Variants in PTPRT observed in about 807,000 individuals in gnomAD.
PTPRT encodes protein tyrosine phosphatase receptor type T.
PTPRT carries 56 observed loss-of-function variants against 176.8 expected under a neutral mutation model. The ratio of observed to expected loss-of-function variants is 0.32; its 90% CI spans 0.26 to 0.40. PTPRT has a LOEUF of 0.40. PTPRT is among the 10% of genes least tolerant of loss of function. The pLI, the probability that PTPRT is intolerant of heterozygous loss-of-function variation, is 1.00. For missense variants in PTPRT, 1,540 were observed against 1,908.2 expected (o/e 0.81, Z 3.60); for synonymous variants, 783 against 739.0 (o/e 1.06, Z -0.96).
intron 7 of PTPRT, among the ~76,000 whole-genome samples, chr20:42,530,803 C>A (rs1004721322): frequency 6.6e-6 from 1 of 152,160 alleles, no homozygotes; most frequent in African/African-American, 2.4e-5. Context: ...AGGAGCCCTA[C>A]TTCTGACTTG....
chr20:42,325,103 T>C (rs1054017625), intron 11 of PTPRT, among the ~76,000 whole-genome samples: 1 of 152,112 alleles, frequency 6.6e-6, no homozygotes, highest in Admixed American at 6.6e-5. Context: ...GGAGAAATAA[T>C]GAACTGTTCA....
chr20:42,668,078 G>A (rs568348124), intron 7 of PTPRT, among the ~76,000 whole-genome samples: 82 of 152,312 alleles, frequency 5.4e-4, no homozygotes, highest in African/African-American at 1.8e-3. Context: ...TGTTGGAAGT[G>A]TCTGGTGGAG....
At chr20:42,924,245 A>G (rs918193222) in intron 1 of PTPRT, among the ~76,000 whole-genome samples, 1 of 152,188 alleles carries the variant, frequency 6.6e-6, no homozygotes, top group African/African-American at 2.4e-5. Context: ...TTCCATTTAA[A>G]AAAAAAATTA....
In PTPRT at chr20:42,074,654, A is replaced by G. The variant is rs940308555; in HGVS notation, c.*6225T>C. The G allele has an allele frequency of 2.5e-6, 1 of 397,260 alleles. No individual in the cohort carries two copies. The highest frequency in any genetic ancestry group is 4.4e-6 in the Non-Finnish European group (1 of 225,530). The allele number at this position is 397,260 out of a possible 1,614,324, so 24.6% of individuals were successfully genotyped here. ...TATCTGCCCCAGTGGACCACCCCTG[A>G]GCTCTTAGATAGGTGGGATGCTAGG... On this transcript the variant is annotated 3_prime_UTR_variant, in exon 31 of 31. Transcript: ENST00000373187.
chr20:42,046,948 T>C, the PTPRT span, among the ~76,000 whole-genome samples: 10 of 152,300 alleles, frequency 6.6e-5, no homozygotes, highest in Non-Finnish European at 1.3e-4. Flanking sequence ...CACCCAGCCC[T>C]CCCTGAGATG....
chr20:42,446,467 C>G lies in PTPRT; in HGVS notation c.1560+1753G>C, dbSNP rs531321840. 1.6e-4 allele frequency among the ~76,000 whole-genome samples: 24 copies of G among 152,280 alleles called. No individual in the cohort carries two copies. The East Asian group carries it at 4.4e-3, about 28-fold the overall frequency. ...CCAAAAGTCTTGAACATCTGGCACA[C>G]AGCGTCTTTTACATAACAGTATCAA... On this transcript the variant is annotated intron_variant, in intron 9 of 30. Transcript: ENST00000373187.
In PTPRT at chr20:42,634,419, G is replaced by C. The variant is rs555387014; in HGVS notation, c.1153+43447C>G. 2.0e-5 allele frequency among the ~76,000 whole-genome samples: 3 copies of C among 151,482 alleles called. No homozygotes were observed. The South Asian group carries it at 6.2e-4, about 32-fold the overall frequency. ...TAAGATGAAAGCAGCCCAAATCCCTGAGTCACCAATGTTTGAAGAAGAGCT... is the reference window on the plus strand; with the variant it reads ...TAAGATGAAAGCAGCCCAAATCCCTCAGTCACCAATGTTTGAAGAAGAGCT... On this transcript the variant is annotated intron_variant, in intron 7 of 30. Transcript: ENST00000373187.
chr20:43,138,077 T>C (rs1452641309), intron 1 of PTPRT, among the ~76,000 whole-genome samples: 1 of 152,192 alleles, frequency 6.6e-6, no homozygotes, highest in Non-Finnish European at 1.5e-5. Context: ...GTTGTGAGGA[T>C]TCACTGAAGT....
chr20:42,454,149 C>T (rs1390387044), intron 8 of PTPRT, among the ~76,000 whole-genome samples: 1 of 152,050 alleles, frequency 6.6e-6, no homozygotes, highest in Non-Finnish European at 1.5e-5. Flanking sequence ...GTTTGTCACT[C>T]ATCATTTTCA....
chr20:42,740,987 G>A (rs1233764454), intron 6 of PTPRT, among the ~76,000 whole-genome samples: 1 of 152,192 alleles, frequency 6.6e-6, no homozygotes, highest in African/African-American at 2.4e-5. Flanking sequence ...GAGAGAGTGT[G>A]CATGTGCATG....
In PTPRT at chr20:43,078,856, A is replaced by G. The variant is rs556563308; in HGVS notation, c.88+110790T>C. On this transcript the variant is annotated intron_variant, in intron 1 of 30. Coordinates refer to ENST00000373187, the MANE Select transcript of PTPRT (RefSeq NM_007050.6). ...GGCAGAGCCAACAATCAGGAAATAA[A>G]CTCTGCTTCCAAATGATCTAAGGAA... 6.6e-5 allele frequency among the ~76,000 whole-genome samples: 10 copies of G among 152,216 alleles called. No individual in the cohort carries two copies. In the South Asian group the frequency reaches 2.1e-3, roughly 32 times the overall value.
intron 1 of PTPRT, among the ~76,000 whole-genome samples, chr20:43,096,512 C>T (rs1449052600): frequency 2.0e-5 from 3 of 152,172 alleles, no homozygotes; most frequent in African/African-American, 4.8e-5. Flanking sequence ...GCAGCTGGGC[C>T]CCTCCTCCTC....
chr20:42,796,285 T>C lies in PTPRT; in HGVS notation c.215-4819A>G, dbSNP rs138315727. Among the ~76,000 whole-genome samples the C allele has an allele frequency of 7.9e-5, 12 of 152,334 alleles. No homozygotes were observed. In the East Asian group the frequency reaches 1.9e-3, roughly 24 times the overall value. ...TACTAGCCACATTTCAAGTGCCCAGTAGACATACATGACTGGTGGATACCA... is the reference window on the plus strand; with the variant it reads ...TACTAGCCACATTTCAAGTGCCCAGCAGACATACATGACTGGTGGATACCA... On this transcript the variant is annotated intron_variant, in intron 2 of 30. Coordinates refer to ENST00000373187, the MANE Select transcript of PTPRT (RefSeq NM_007050.6).
chr20:42,669,981 G>A (rs750830323), intron 7 of PTPRT, among the ~76,000 whole-genome samples: 1 of 151,920 alleles, frequency 6.6e-6, no homozygotes, highest in Non-Finnish European at 1.5e-5. Flanking sequence ...CCCTTACCCC[G>A]TGCCCTATAT....
chr20:42,264,224 G>T (rs916807759), intron 13 of PTPRT, among the ~76,000 whole-genome samples: 1 of 152,152 alleles, frequency 6.6e-6, no homozygotes, highest in Admixed American at 6.5e-5. Flanking sequence ...TTGTTTTGAA[G>T]AAGCACAAAC....
At chr20:42,705,909 A>G (rs1398464076) in intron 6 of PTPRT, among the ~76,000 whole-genome samples, 1 of 152,142 alleles carries the variant, frequency 6.6e-6, no homozygotes, top group East Asian at 1.9e-4. Flanking sequence ...CATTACTCTT[A>G]CTATTATGGA....
intron 2 of PTPRT, among the ~76,000 whole-genome samples, chr20:42,841,654 C>G (rs1569185574): frequency 7.0e-6 from 1 of 143,788 alleles, no homozygotes; most frequent in African/African-American, 2.6e-5. Flanking sequence ...CACACACACA[C>G]ACACATAATC....
At chr20:42,785,519 A>G (rs2145519141) in intron 3 of PTPRT, among the ~76,000 whole-genome samples, 1 of 152,254 alleles carries the variant, frequency 6.6e-6, no homozygotes, top group East Asian at 1.9e-4. Context: ...GTATATGTGC[A>G]AGTATGTTTT....
At chr20:42,253,854 T>G (rs2056590355) in intron 13 of PTPRT, among the ~76,000 whole-genome samples, 1 of 152,184 alleles carries the variant, frequency 6.6e-6, no homozygotes, top group African/African-American at 2.4e-5. Context: ...CTGAACCAGT[T>G]CTCAAAGCAG....
Sources: allele counts gnomAD v4.1 joint callset (sites outside exome capture counted in the v4.1 genomes callset), GRCh38; gene constraint gnomAD v4.1.1; transcripts MANE v1.5; gene names NCBI Gene and HGNC (gene_info 2026-07-23, HGNC 2026-07-21).